The following IMMP2L variants were observed in gnomAD, a reference collection of about 807,000 sequenced individuals.
IMMP2L encodes the protein mitochondrial inner membrane protease subunit 2.
A neutral mutation model predicts 19.3 loss-of-function variants in IMMP2L; 18 were observed. That is an observed-to-expected ratio of 0.93 (90% CI 0.64 to 1.38). IMMP2L has a LOEUF of 1.38. IMMP2L is among the 40% of genes most tolerant of loss of function. The probability of loss-of-function intolerance (pLI) is 0.00; values close to 1 mark genes in which losing one functional copy is unlikely to be tolerated. For missense variants in IMMP2L, 233 were observed against 218.2 expected, an observed-to-expected ratio of 1.07 and a Z score of -0.43; for synonymous variants, 76 against 73.0, an observed-to-expected ratio of 1.04 and a Z score of -0.21.
chr7:111,068,178 G>T (rs1794667793), intron 3 of IMMP2L, among the ~76,000 whole-genome samples: 1 of 151,974 alleles, frequency 6.6e-6, no homozygotes, highest in Non-Finnish European at 1.5e-5. Context: ...TACATCAAGA[G>T]ACCACAGAGA....
intron 5 of IMMP2L, among the ~76,000 whole-genome samples, chr7:110,829,300 AT>A (rs1803762550): frequency 6.6e-6 from 1 of 152,216 alleles, no homozygotes; most frequent in African/African-American, 2.4e-5. Context: ...CTCCTTTATA[AT>A]TCTCAGAGGA....
intron 2 of IMMP2L, among the ~76,000 whole-genome samples, chr7:111,490,219 G>A (rs900823865): frequency 3.3e-5 from 5 of 151,024 alleles, no homozygotes; most frequent in Non-Finnish European, 7.4e-5. Flanking sequence ...CCAGTTCCCA[G>A]GTAGCTAGGA....
At position 111,215,931 on chromosome 7, in the gene IMMP2L, T is replaced by C. The variant is rs183443452; in HGVS notation, c.240-252366A>G. Among the ~76,000 whole-genome samples, 276 of 152,304 alleles carry C rather than the reference T, an allele frequency of 1.8e-3. 2 individuals are homozygous for C. Among genetic ancestry groups the C allele is most frequent in the African/African-American group, 6.3e-3 (263 of 41,576 alleles). On this transcript the variant is annotated intron_variant, in intron 3 of 5. Transcript: ENST00000405709. ...TCAGCTAAAATTTTCTCCCATTCTT[T>C]AATCATTTCCTATCTTGATTACTAT...
chr7:111,537,771 A>G (rs1230380196), intron 1 of IMMP2L, among the ~76,000 whole-genome samples: 2 of 151,838 alleles, frequency 1.3e-5, no homozygotes, highest in Non-Finnish European at 2.9e-5. Context: ...CCTGAGCTCA[A>G]GTGATCTACC....
At chr7:111,409,031 T>C (rs1834139812) in intron 3 of IMMP2L, among the ~76,000 whole-genome samples, 1 of 151,740 alleles carries the variant, frequency 6.6e-6, no homozygotes, top group East Asian at 1.9e-4. Context: ...TGAAAATAAA[T>C]GTTGCTAAGT....
chr7:110,797,019 A>G (rs1234023236), intron 5 of IMMP2L, among the ~76,000 whole-genome samples: 1 of 151,994 alleles, frequency 6.6e-6, no homozygotes, highest in African/African-American at 2.4e-5. Flanking sequence ...ACTTCCAAGA[A>G]GAGTGCCAGT....
chr7:110,685,206 A>T (rs535882176), intron 5 of IMMP2L, among the ~76,000 whole-genome samples: 9 of 152,208 alleles, frequency 5.9e-5, no homozygotes, highest in African/African-American at 2.2e-4. Flanking sequence ...AGTCCAAGAA[A>T]CAGGAGTGGA....
At chr7:111,482,430 C>G (rs966042500) in intron 3 of IMMP2L, among the ~76,000 whole-genome samples, 3 of 152,124 alleles carry the variant, frequency 2.0e-5, no homozygotes, top group Non-Finnish European at 4.4e-5. Flanking sequence ...ACAGTGAAAT[C>G]TGTGATCCAG....
At chr7:111,167,003 T>G (rs1203784129) in intron 3 of IMMP2L, among the ~76,000 whole-genome samples, 1 of 151,932 alleles carries the variant, frequency 6.6e-6, no homozygotes, top group African/African-American at 2.4e-5. Flanking sequence ...AATGGACACA[T>G]CATTCGGAGG....
intron 3 of IMMP2L, among the ~76,000 whole-genome samples, chr7:111,299,256 G>A (rs544761404): frequency 2.0e-5 from 3 of 152,172 alleles, no homozygotes; most frequent in South Asian, 4.2e-4. Flanking sequence ...ACAAGTCTTG[G>A]ACAGCTGTCA....
At chr7:111,306,605 T>A (rs2130150953) in intron 3 of IMMP2L, among the ~76,000 whole-genome samples, 1 of 115,450 alleles carries the variant, frequency 8.7e-6, no homozygotes, top group East Asian at 2.5e-4. Context: ...ATCACTGGAC[T>A]CTGTGTGTGT....
At chr7:111,107,168 C>G (rs1159979932) in intron 3 of IMMP2L, among the ~76,000 whole-genome samples, 1 of 27,304 alleles carries the variant, frequency 3.7e-5, no homozygotes, top group East Asian at 1.4e-3. Context: ...TTCCTTCTTT[C>G]CCCTTTCCCT....
At chr7:111,379,743 G>GT (rs1440190748) in intron 3 of IMMP2L, among the ~76,000 whole-genome samples, 1 of 151,836 alleles carries the variant, frequency 6.6e-6, no homozygotes, top group East Asian at 1.9e-4. Flanking sequence ...TGTCTAACAT[G>GT]TAACTGCCTA....
chr7:111,167,260 G>A (rs138791584), intron 3 of IMMP2L, among the ~76,000 whole-genome samples: 1 of 152,022 alleles, frequency 6.6e-6, no homozygotes, highest in East Asian at 1.9e-4. Context: ...TACAATTTCA[G>A]CTACTTTTGA....
chr7:111,392,818 A>C (rs373501217), intron 3 of IMMP2L: 5 of 456,504 alleles, frequency 1.1e-5, no homozygotes, highest in African/African-American at 6.0e-5. Flanking sequence ...TGGTGCATTA[A>C]AAGTACCACA....
At chr7:111,035,041 A>T (rs557001575) in intron 3 of IMMP2L, among the ~76,000 whole-genome samples, 25 of 152,308 alleles carry the variant, frequency 1.6e-4, no homozygotes, top group African/African-American at 6.0e-4. Context: ...TTCTCAATCG[A>T]GTCAATAATA....
intron 5 of IMMP2L, among the ~76,000 whole-genome samples, chr7:110,851,183 A>C (rs1181470004): frequency 6.6e-6 from 1 of 152,164 alleles, no homozygotes; most frequent in Non-Finnish European, 1.5e-5. Flanking sequence ...TTAAATGTAC[A>C]TATTCAAAAA....
At position 111,476,316 on chromosome 7, in the gene IMMP2L, T is replaced by C. The variant is rs892887185; in HGVS notation, c.239+10922A>G. Among the ~76,000 whole-genome samples the C allele has an allele frequency of 1.3e-5, 2 of 152,176 alleles. 1 individual carries two copies. The highest frequency in any genetic ancestry group is 1.3e-4 in the Admixed American group (2 of 15,274). ...GAAAAGAAAATAATACTTTTTAAAT[T>C]AGTCAATTATGTAAATAAAATCGGT... On this transcript the variant is annotated intron_variant, in intron 3 of 5. Coordinates refer to ENST00000405709, the MANE Select transcript of IMMP2L (RefSeq NM_032549.4).
intron 3 of IMMP2L, among the ~76,000 whole-genome samples, chr7:111,164,819 T>A (rs924487636): frequency 6.6e-6 from 1 of 152,098 alleles, no homozygotes; most frequent in Admixed American, 6.6e-5. Flanking sequence ...TGTGAGCTGA[T>A]TAAAAAAAAT....
Sources: allele counts gnomAD v4.1 joint callset (sites outside exome capture counted in the v4.1 genomes callset), GRCh38; gene constraint gnomAD v4.1.1; transcripts MANE v1.5; gene names NCBI Gene and HGNC (gene_info 2026-07-23, HGNC 2026-07-21).